The following DBET variants were observed in gnomAD, a reference collection of about 807,000 sequenced individuals.
DBET encodes D4Z4 binding element transcript.
At chr4:190,065,200 T>G (rs1239517817) in exon 1 of DBET, 3 of 581,258 alleles carry the variant, frequency 5.2e-6, no homozygotes, top group Admixed American at 5.3e-5. Flanking sequence ...CAGAAGTGTG[T>G]GAGGGGAGAT....
At chr4:190,066,936 G>T (rs1165820009) in exon 1 of DBET, 3 of 66,942 alleles carry the variant, frequency 4.5e-5, no homozygotes, top group Non-Finnish European at 4.0e-5. Flanking sequence ...GCGGTTCACA[G>T]ACCGCACATC....
chr4:190,065,138 C>A lies in DBET; in HGVS notation n.637C>A, dbSNP rs797038175. ...GGGGATCTGGGAAAATCTGTGCACA[C>A]TTCTGGAGACCCTTGTCATGCCATT... On this transcript the variant is annotated non_coding_transcript_exon_variant, in exon 1 of 1. Coordinates refer to ENST00000630918, the Ensembl canonical transcript of DBET. 7 of 477,994 alleles carry A rather than the reference C, an allele frequency of 1.5e-5. 1 individual carries two copies. The highest frequency in any genetic ancestry group is 5.2e-4 in the Middle Eastern group (1 of 1,938). The allele number at this position is 477,994 out of a possible 1,614,324, so 29.6% of individuals were successfully genotyped here.
At position 190,064,866 on chromosome 4, in the gene DBET, G is replaced by A. The variant is rs1579771640; in HGVS notation, n.365G>A. ...ACAAAAAACCCTATTAAACGTCACGGACAAGGCCAGAGTTTGAATATACTG... is the reference window on the plus strand; with the variant it reads ...ACAAAAAACCCTATTAAACGTCACGAACAAGGCCAGAGTTTGAATATACTG... On this transcript the variant is annotated non_coding_transcript_exon_variant, in exon 1 of 1. Transcript: ENST00000630918. 1.9e-5 allele frequency: 3 copies of A among 157,318 alleles called. 1 individual carries two copies. Among genetic ancestry groups the A allele is most frequent in the South Asian group, 1.9e-4 (1 of 5,186 alleles). 9.7% of individuals were successfully genotyped at this position (157,318 alleles called of 1,614,324 possible).
At chr4:190,065,099 T>A in exon 1 of DBET, 1 of 464,014 alleles carries the variant, frequency 2.2e-6, no homozygotes, top group Non-Finnish European at 3.8e-6. Context: ...TCTGACTAGT[T>A]TGGCATTGCT....
chr4:190,065,236 TG>T, exon 1 of DBET: 2 of 584,286 alleles, frequency 3.4e-6, no homozygotes, highest in Non-Finnish European at 6.1e-6. Flanking sequence ...TGCGCGCGCC[TG>T]GGGCTCTCCC....
At chr4:190,065,092 G>C in exon 1 of DBET, 1 of 463,914 alleles carries the variant, frequency 2.2e-6, no homozygotes, top group South Asian at 2.6e-5. Context: ...TAAATGATCT[G>C]ACTAGTTTGG....
chr4:190,064,790 C>A lies in DBET; in HGVS notation n.289C>A, dbSNP rs1211205828. ...AAACTGCAGTGGACAGGCTGTAAGC[C>A]AGACTTCATCAAATTTCTGCACCAA... On this transcript the variant is annotated non_coding_transcript_exon_variant, in exon 1 of 1. Coordinates refer to ENST00000630918, the Ensembl canonical transcript of DBET. 8 of 133,506 alleles carry A rather than the reference C, an allele frequency of 6.0e-5. 2 individuals are homozygous for A. Among genetic ancestry groups the A allele is most frequent in the Non-Finnish European group, 1.3e-4 (8 of 62,912 alleles). 8.3% of individuals were successfully genotyped at this position (133,506 alleles called of 1,614,324 possible).
At chr4:190,064,933 A>G (rs797043991) in exon 1 of DBET, 6 of 244,826 alleles carry the variant, frequency 2.5e-5, no homozygotes, top group African/African-American at 6.1e-5. Flanking sequence ...CAGAAAGCCT[A>G]CTTCTATTTT....
At chr4:190,065,582 G>C (rs1579773316) in exon 1 of DBET, 1 of 118,430 alleles carries the variant, frequency 8.4e-6, no homozygotes, top group Non-Finnish European at 1.4e-5. Context: ...GGCTGGGGCC[G>C]GGGTCCCCAG....
rs1255550366 is a variant in DBET, at chr4:190,065,894, G to A, written n.1393G>A. The stretch of plus-strand genomic sequence containing the variant: ...GCACCCCTCAGCGAGGAAGAATACC[G>A]GGCTCTGCTGGAGGAGCTTTAGGAC... On this transcript the variant is annotated non_coding_transcript_exon_variant, in exon 1 of 1. Coordinates refer to ENST00000630918, the Ensembl canonical transcript of DBET. 5.7e-4 allele frequency: 58 copies of A among 102,262 alleles called. 1 individual carries two copies. Among genetic ancestry groups the A allele is most frequent in the African/African-American group, 2.2e-3 (14 of 6,350 alleles). The allele number at this position is 102,262 out of a possible 1,614,324, so 6.3% of individuals were successfully genotyped here. A position where few individuals can be genotyped will look rare whatever the true frequency, so the allele number is the denominator to read the frequency against.
Position 190,065,102 on chromosome 4 carries a change from G to C in DBET, n.601G>C, listed in dbSNP as rs112847155. On this transcript the variant is annotated non_coding_transcript_exon_variant, in exon 1 of 1. Transcript: ENST00000630918. ...GAACATAAATGATCTGACTAGTTTG[G>C]CATTGCTTTTGGGGATCTGGGAAAA... 12 of 463,470 alleles carry C rather than the reference G, an allele frequency of 2.6e-5. 3 individuals carry two copies. Among genetic ancestry groups the C allele is most frequent in the Non-Finnish European group, 3.8e-5 (10 of 263,258 alleles). The allele number at this position is 463,470 out of a possible 1,614,324, so 28.7% of individuals were successfully genotyped here.
At chr4:190,066,740 G>GAGTAGC (rs1740676202) in exon 1 of DBET, 1 of 71,208 alleles carries the variant, frequency 1.4e-5, no homozygotes, top group Non-Finnish European at 3.6e-5. Flanking sequence ...CGGCCTCCGG[G>GAGTAGC]AGTAGCGGGA....
exon 1 of DBET, chr4:190,065,888 A>T (rs1740631368): frequency 9.0e-6 from 1 of 110,506 alleles, no homozygotes; most frequent in East Asian, 2.8e-4. Flanking sequence ...AGCGAGGAAG[A>T]ATACCGGGCT....
At chr4:190,065,114 G>C in exon 1 of DBET, 1 of 462,822 alleles carries the variant, frequency 2.2e-6, no homozygotes, top group Non-Finnish European at 3.8e-6. Flanking sequence ...ATTGCTTTTG[G>C]GGATCTGGGA....
rs556565318 is a variant in DBET, at chr4:190,065,153, G to A, written n.652G>A. 3.0e-5 allele frequency: 15 copies of A among 493,870 alleles called. 1 individual carries two copies. In the East Asian group the frequency reaches 3.3e-4, roughly 11 times the overall value. 30.6% of individuals were successfully genotyped at this position (493,870 alleles called of 1,614,324 possible). A position where few individuals can be genotyped will look rare whatever the true frequency, so the allele number is the denominator to read the frequency against. On this transcript the variant is annotated non_coding_transcript_exon_variant, in exon 1 of 1. Transcript: ENST00000630918. ...TCTGTGCACACTTCTGGAGACCCTT[G>A]TCATGCCATTATTTATAAATCTATT...
chr4:190,064,910 T>G (rs1190868377), exon 1 of DBET: 3 of 223,072 alleles, frequency 1.3e-5, no homozygotes, highest in East Asian at 1.4e-4. Context: ...TCTGCTCCAG[T>G]GCAAACTGTT....
exon 1 of DBET, chr4:190,064,798 AT>A (rs1740570134): frequency 7.4e-6 from 1 of 134,514 alleles, no homozygotes; most frequent in Non-Finnish European, 1.6e-5. Flanking sequence ...GCCAGACTTC[AT>A]CAAATTTCTG....
At chr4:190,065,559 G>A in exon 1 of DBET, 1 of 191,244 alleles carries the variant, frequency 5.2e-6, no homozygotes, top group Non-Finnish European at 8.6e-6. Flanking sequence ...CGTCCCAGGG[G>A]AGTCCGTGGT....
At chr4:190,065,000 C>G (rs568626457) in exon 1 of DBET, 1 of 406,426 alleles carries the variant, frequency 2.5e-6, no homozygotes, top group East Asian at 3.6e-5. Context: ...CTGCAATCCC[C>G]TAAGGCTTTT....
Sources: gnomAD v4.1 joint callset for allele counts on GRCh38, gnomAD v4.1.1 for gene constraint, MANE v1.5 for transcripts, NCBI Gene and HGNC (gene_info 2026-07-23, HGNC 2026-07-21) for gene names.